The following FUBP3 variants were observed in gnomAD, a reference collection of about 807,000 sequenced individuals.
FUBP3 encodes the protein far upstream element binding protein 3, also known as far upstream element-binding protein 3.
In FUBP3, 28 loss-of-function variants were observed where a neutral mutation model predicts 85.6. That is an observed-to-expected ratio of 0.33 (90% CI 0.24 to 0.45). FUBP3 has a LOEUF of 0.45. Among genes scored for constraint, FUBP3 ranks in the 20% least tolerant of loss-of-function variants. The pLI, the probability that FUBP3 is intolerant of heterozygous loss-of-function variation, is 1.00. For synonymous variants in FUBP3, 271 were observed against 271.4 expected (o/e 1.00, Z 0.01); for missense variants, 583 against 755.1 (o/e 0.77, Z 2.67).
chr9:130,595,183 G>T (rs1435294862), intron 1 of FUBP3, among the ~76,000 whole-genome samples: 3 of 142,260 alleles, frequency 2.1e-5, no homozygotes, highest in Non-Finnish European at 4.5e-5. Context: ...CCAAGATCAT[G>T]CCATTGCACT....
At chr9:130,609,769 T>A (rs980102439) in intron 2 of FUBP3, among the ~76,000 whole-genome samples, 185 bp from the exon 3 acceptor site, 1 of 152,228 alleles carries the variant, frequency 6.6e-6, no homozygotes, top group African/African-American at 2.4e-5. Context: ...ACTGTGTTGA[T>A]CAAGATGTCC....
At chr9:130,590,614 C>G (rs1397826739) in intron 1 of FUBP3, among the ~76,000 whole-genome samples, 2 of 152,154 alleles carry the variant, frequency 1.3e-5, no homozygotes, top group African/African-American at 4.8e-5. Flanking sequence ...GCTTTTATCT[C>G]CTGGCCTACA....
chr9:130,634,807 G>A, intron 17 of FUBP3, 69 bp downstream of exon 17: 1 of 1,230,144 alleles, frequency 8.1e-7, no homozygotes, highest in Non-Finnish European at 1.2e-6. Context: ...AGAGTCCAAG[G>A]CTCACTGTCA....
At chr9:130,631,528 G>A (rs765227801) in intron 13 of FUBP3, 29 bp from the exon 14 acceptor site, 21 of 1,587,938 alleles carry the variant, frequency 1.3e-5, no homozygotes, top group South Asian at 3.3e-5. Context: ...AACCAACAGC[G>A]GGTGAGAGCT....
intron 5 of FUBP3, 92 bp from the exon 6 acceptor site, chr9:130,614,196 C>T (rs1188296265): frequency 1.1e-5 from 8 of 721,848 alleles, no homozygotes; most frequent in East Asian, 5.1e-5. Flanking sequence ...GCAGGGCTGG[C>T]GTAGGAAGCA....
chr9:130,615,871 T>C (rs1004416595), intron 6 of FUBP3, among the ~76,000 whole-genome samples: 2 of 152,210 alleles, frequency 1.3e-5, no homozygotes, highest in East Asian at 3.8e-4. Context: ...GTATGGGAGT[T>C]CAGACAGTGA....
rs1441383429 is a variant in FUBP3 at position 130,635,862 on chromosome 9, G to A, written c.1583-137G>A. On this transcript the variant is annotated intron_variant, in intron 17 of 18. Transcript: ENST00000319725. This position sits in a 1 kb window ranked among gnomAD's most constrained non-coding sequence, Gnocchi z 4.3. ...TGTAGCAAGCGCTCCTGCAACACCA[G>A]CCTCACCTCACTGCCTCCCAGACCT... The A allele has an allele frequency of 2.4e-6, 2 of 839,088 alleles. No homozygotes were observed. Among genetic ancestry groups the A allele is most frequent in the African/African-American group, 3.4e-5 (2 of 59,056 alleles). 52.0% of individuals were successfully genotyped at this position (839,088 alleles called of 1,614,324 possible). A position where few individuals can be genotyped will look rare whatever the true frequency, so the allele number is the denominator to read the frequency against.
Position 130,636,054 on chromosome 9 carries a change from C to T in FUBP3, c.1638C>T (p.Ala546=). ...GCTCCCCACCGGACTACACAATGGC[C>T]TGGGCAGAATATTACAGACAGCAGG... The part of the protein sequence containing the change: ...QASSPPDYTM[A]WAEYYRQQVA... Residue 546 remains alanine (A), a synonymous_variant, in exon 18 of 19, where the codon GCC becomes GCT. Coordinates refer to ENST00000319725, the MANE Select transcript of FUBP3 (RefSeq NM_003934.2). The T allele has an allele frequency of 6.2e-7, 1 of 1,613,946 alleles. No homozygotes were observed. The highest frequency in any genetic ancestry group is 8.5e-7 in the Non-Finnish European group (1 of 1,179,920).
At chr9:130,617,408 A>G (rs944571627) in intron 7 of FUBP3, among the ~76,000 whole-genome samples, 20 of 152,332 alleles carry the variant, frequency 1.3e-4, no homozygotes, top group Middle Eastern at 3.4e-3. Flanking sequence ...TCCGCCACTC[A>G]TTAGCTCTGG....
intron 3 of FUBP3, 68 bp downstream of exon 3, chr9:130,610,055 C>T (rs1831661514): frequency 1.7e-6 from 2 of 1,201,836 alleles, no homozygotes; most frequent in African/African-American, 3.0e-5. Context: ...ACCATCTGTA[C>T]TAGAGTGCTA....
chr9:130,599,450 C>T lies in FUBP3; in HGVS notation c.190+3862C>T, dbSNP rs1831041795. 2.7e-5 allele frequency among the ~76,000 whole-genome samples: 4 copies of T among 149,874 alleles called. No individual in the cohort carries two copies. The South Asian group carries it at 8.4e-4, about 32-fold the overall frequency. ...AGTGGAACAAGGGAAAGGATTTGTT[C>T]CTGATATAGAAAGGGATTTGGGTTA... On this transcript the variant is annotated intron_variant, in intron 2 of 18. Transcript: ENST00000319725.
chr9:130,579,782 T>A lies in FUBP3; in HGVS notation c.84+18T>A, dbSNP rs915192182. On this transcript the variant is annotated intron_variant, in intron 1 of 18. Coordinates refer to ENST00000319725, the MANE Select transcript of FUBP3 (RefSeq NM_003934.2). ...TCCGGCAGGTACGGGCGCAGCCGGC[T>A]GGCAGGAGCACGAGATCCCGAGGCG... 5.6e-6 allele frequency: 7 copies of A among 1,259,702 alleles called. No individual in the cohort carries two copies. The highest frequency in any genetic ancestry group is 1.5e-5 in the African/African-American group (1 of 65,092). The allele number at this position is 1,259,702 out of a possible 1,614,324, so 78.0% of individuals were successfully genotyped here.
intron 1 of FUBP3, among the ~76,000 whole-genome samples, chr9:130,590,924 C>T (rs540372886): frequency 8.6e-5 from 13 of 151,644 alleles, no homozygotes; most frequent in African/African-American, 2.7e-4. Flanking sequence ...ATTGAATCTT[C>T]GACATACCAT....
At chr9:130,608,184 C>T (rs879286210) in intron 2 of FUBP3, among the ~76,000 whole-genome samples, 2 of 152,172 alleles carry the variant, frequency 1.3e-5, no homozygotes, top group Admixed American at 6.5e-5. Flanking sequence ...ACATCCTTTA[C>T]CAAACAACGC....
chr9:130,626,192 C>G (rs542045430), intron 11 of FUBP3, 172 bp from the exon 12 acceptor site: 3 of 635,942 alleles, frequency 4.7e-6, no homozygotes, highest in Admixed American at 2.9e-5. Context: ...CACCTGTGAT[C>G]GGTGTTAATT....
chr9:130,622,221 G>C (rs1829781289), intron 9 of FUBP3, among the ~76,000 whole-genome samples: 1 of 151,542 alleles, frequency 6.6e-6, no homozygotes, highest in African/African-American at 2.4e-5. Context: ...CTACTCAGGA[G>C]GCTGAGGCAG....
chr9:130,620,542 G>A (rs1213179478), intron 9 of FUBP3, 84 bp downstream of exon 9: 4 of 636,560 alleles, frequency 6.3e-6, no homozygotes, highest in African/African-American at 1.9e-5. Context: ...TTAACCCTGA[G>A]CAAGTTAGTT....
chr9:130,626,010 C>T (rs1829956331), intron 11 of FUBP3, among the ~76,000 whole-genome samples: 1 of 152,110 alleles, frequency 6.6e-6, no homozygotes, highest in Non-Finnish European at 1.5e-5. Flanking sequence ...GCCTCAGCTG[C>T]AAGGGAGAAA....
intron 11 of FUBP3, 53 bp from the exon 12 acceptor site, chr9:130,626,311 G>C: frequency 1.3e-6 from 2 of 1,566,028 alleles, no homozygotes; most frequent in Non-Finnish European, 1.7e-6. Context: ...AAAGAGAGGA[G>C]CAGTGGTGCT....
Sources: gnomAD v4.1 joint callset for allele counts (sites outside exome capture counted in the v4.1 genomes callset) on GRCh38, gnomAD v4.1.1 for gene constraint, Gnocchi (gnomAD v3.1) non-coding constraint, MANE v1.5 for transcripts, NCBI Gene and HGNC (gene_info 2026-07-23, HGNC 2026-07-21) for gene names.